VAT1L: variants seen among roughly 807,000 people sequenced by gnomAD.
VAT1L encodes the protein putative NADPH-dependent quinone oxidoreductase VAT1L.
A neutral mutation model predicts 44.1 loss-of-function variants in VAT1L; 34 were observed. That is an observed-to-expected ratio of 0.77 (90% CI 0.59 to 1.03). VAT1L has a LOEUF of 1.03. Among genes scored for constraint, VAT1L ranks in the 50% least tolerant of loss-of-function variants. The probability of loss-of-function intolerance (pLI) is 0.00; values close to 1 mark genes in which losing one functional copy is unlikely to be tolerated. For synonymous variants in VAT1L, 253 were observed against 202.2 expected (o/e 1.25, Z -2.13); for missense variants, 615 against 538.8 (o/e 1.14, Z -1.40).
chr16:77,795,154 CT>C (rs1438502153), intron 1 of VAT1L, among the ~76,000 whole-genome samples: 4 of 152,042 alleles, frequency 2.6e-5, no homozygotes, highest in African/African-American at 4.8e-5. Context: ...TTTGTGTCCC[CT>C]CTCCCTCAAT....
Position 77,935,238 on chromosome 16 carries a change from C to T in VAT1L, c.1078-36612C>T, listed in dbSNP as rs1027945282. The stretch of plus-strand genomic sequence containing the variant: ...AGGTTGTAGGAGATGTCTCTTCACT[C>T]ATCTGATATGATACAGTTTTAAAGT... On this transcript the variant is annotated intron_variant, in intron 7 of 8. Coordinates refer to ENST00000302536, the MANE Select transcript of VAT1L (RefSeq NM_020927.3). 4.9e-4 allele frequency among the ~76,000 whole-genome samples: 75 copies of T among 152,154 alleles called. 1 individual carries two copies. Among genetic ancestry groups the T allele is most frequent in the African/African-American group, 1.8e-3 (74 of 41,432 alleles).
intron 7 of VAT1L, among the ~76,000 whole-genome samples, chr16:77,950,609 T>G (rs1490079967): frequency 1.3e-5 from 2 of 152,176 alleles, no homozygotes; most frequent in Non-Finnish European, 2.9e-5. Flanking sequence ...CTTATCATGT[T>G]AATGAGAAAT....
At chr16:77,854,175 A>G (rs1202351687) in intron 3 of VAT1L, among the ~76,000 whole-genome samples, 2 of 152,080 alleles carry the variant, frequency 1.3e-5, no homozygotes, top group Non-Finnish European at 2.9e-5. Context: ...AGCAATTGAA[A>G]AATGCCTGTC....
At chr16:77,827,884 T>G (rs558833320) in intron 3 of VAT1L, among the ~76,000 whole-genome samples, 22 of 152,298 alleles carry the variant, frequency 1.4e-4, no homozygotes, top group African/African-American at 5.1e-4. Flanking sequence ...TTTCTTACGG[T>G]GCACTCTTAA....
intron 3 of VAT1L, among the ~76,000 whole-genome samples, chr16:77,842,453 C>T (rs767913570): frequency 6.6e-6 from 1 of 152,212 alleles, no homozygotes; most frequent in Non-Finnish European, 1.5e-5. Flanking sequence ...TCTGCAATGA[C>T]AGAACCAACG....
At chr16:77,949,813 C>T (rs1198812712) in intron 7 of VAT1L, among the ~76,000 whole-genome samples, 1 of 152,204 alleles carries the variant, frequency 6.6e-6, no homozygotes, top group East Asian at 1.9e-4. Flanking sequence ...TCTTTTATAA[C>T]AACACAAAGG....
At chr16:77,874,839 T>TA (rs769810512) in intron 4 of VAT1L, among the ~76,000 whole-genome samples, 24,681 of 87,340 alleles carry the variant, frequency 0.28, 3,307 homozygotes, top group East Asian at 0.44. Flanking sequence ...AATTAATTTG[T>TA]AAAAAAAAAA....
At chr16:77,849,377 A>AC (rs775606764) in intron 3 of VAT1L, among the ~76,000 whole-genome samples, 23 of 152,192 alleles carry the variant, frequency 1.5e-4, no homozygotes, top group Admixed American at 6.5e-5. Flanking sequence ...TCGTTCATCC[A>AC]TTCATTCATT....
chr16:77,962,551 C>T (rs551188689), intron 7 of VAT1L, among the ~76,000 whole-genome samples: 31 of 149,942 alleles, frequency 2.1e-4, no homozygotes, highest in Admixed American at 8.0e-4. Flanking sequence ...TAGGTGGCCT[C>T]GAGTATATCA....
At chr16:77,803,610 G>A (rs975584023) in intron 1 of VAT1L, among the ~76,000 whole-genome samples, 8 of 151,898 alleles carry the variant, frequency 5.3e-5, no homozygotes, top group East Asian at 3.9e-4. Flanking sequence ...TAGTAGAGAC[G>A]GGGTTTCACT....
intron 7 of VAT1L, among the ~76,000 whole-genome samples, chr16:77,925,573 C>A (rs770922915): frequency 6.6e-6 from 1 of 152,170 alleles, no homozygotes; most frequent in African/African-American, 2.4e-5. Context: ...CACGTTCTAG[C>A]GTTTTCACTG....
At chr16:77,933,312 C>G (rs2017753491) in intron 7 of VAT1L, among the ~76,000 whole-genome samples, 1 of 152,198 alleles carries the variant, frequency 6.6e-6, no homozygotes, top group Non-Finnish European at 1.5e-5. Context: ...CAAAGCCAGA[C>G]TCAAACCCAT....
At chr16:77,945,510 G>C (rs528978073) in intron 7 of VAT1L, among the ~76,000 whole-genome samples, 2 of 151,834 alleles carry the variant, frequency 1.3e-5, no homozygotes, top group East Asian at 3.9e-4. Flanking sequence ...AGCTGGTCTC[G>C]AATTCCTGGC....
chr16:77,905,415 G>T (rs1360942709), intron 7 of VAT1L, among the ~76,000 whole-genome samples: 1 of 152,076 alleles, frequency 6.6e-6, no homozygotes, highest in Non-Finnish European at 1.5e-5. Context: ...TTAAAAATTT[G>T]ACAGGGAGGT....
At chr16:77,812,379 G>A (rs545480830) in intron 1 of VAT1L, among the ~76,000 whole-genome samples, 6 of 152,144 alleles carry the variant, frequency 3.9e-5, no homozygotes, top group Middle Eastern at 3.4e-3. Context: ...TGCCGTTCCC[G>A]AATCTTAAAA....
chr16:77,978,431 C>T lies in VAT1L; in HGVS notation c.*736C>T, dbSNP rs539474974. 11 of 152,342 alleles carry T rather than the reference C, an allele frequency of 7.2e-5. No individual in the cohort carries two copies. Among genetic ancestry groups the T allele is most frequent in the Admixed American group, 4.6e-4 (7 of 15,302 alleles). 9.4% of individuals were successfully genotyped at this position (152,342 alleles called of 1,614,324 possible). The stretch of plus-strand genomic sequence containing the variant: ...CAAAATACATCTCATGGGCAGGATT[C>T]TTCCTGCTCCATATCTGTTTCAATT... On this transcript the variant is annotated 3_prime_UTR_variant, in exon 9 of 9. Transcript: ENST00000302536.
Position 77,952,046 on chromosome 16 carries a change from T to A in VAT1L, c.1078-19804T>A, listed in dbSNP as rs755723235. Among the ~76,000 whole-genome samples the A allele has an allele frequency of 1.3e-3, 196 of 152,218 alleles. 1 individual carries two copies. The highest frequency in any genetic ancestry group is 3.4e-3 in the Middle Eastern group (1 of 294). ...CATCAAGCCATCTGTGTTTGCTAAT[T>A]GGTGCTTATGGAAGTTAGGCTCTTA... On this transcript the variant is annotated intron_variant, in intron 7 of 8. Transcript: ENST00000302536.
chr16:77,895,100 C>CCACACACACACA (rs67138523), intron 7 of VAT1L, among the ~76,000 whole-genome samples: 202 of 145,238 alleles, frequency 1.4e-3, no homozygotes, highest in East Asian at 2.8e-3. Context: ...AGCCACTTGC[C>CCACACACACACA]CACACACACA....
At chr16:77,862,644 A>ATT in intron 3 of VAT1L, 104 bp from the exon 4 acceptor site, 1 of 1,140,778 alleles carries the variant, frequency 8.8e-7, no homozygotes, top group Non-Finnish European at 1.2e-6. Flanking sequence ...AAAAAAAAAA[A>ATT]AAAGTCAATA....
Sources: allele counts gnomAD v4.1 joint callset (sites outside exome capture counted in the v4.1 genomes callset), GRCh38; gene constraint gnomAD v4.1.1; transcripts MANE v1.5; gene names NCBI Gene and HGNC (gene_info 2026-07-23, HGNC 2026-07-21).